PCDHGB4: variants seen among roughly 807,000 people sequenced by gnomAD.
The protein encoded by PCDHGB4 is protocadherin gamma-B4.
A neutral mutation model predicts 60.5 loss-of-function variants in PCDHGB4; 38 were observed. The ratio of observed to expected loss-of-function variants is 0.63; its 90% confidence interval spans 0.48 to 0.82. The LOEUF (loss-of-function observed/expected upper bound fraction) is 0.82. Among genes scored for constraint, PCDHGB4 ranks in the 40% least tolerant of loss-of-function variants. PCDHGB4 has a pLI of 0.00. For missense variants in PCDHGB4, 1,109 were observed against 1,209.6 expected, an observed-to-expected ratio of 0.92 and a Z score of 1.23; for synonymous variants, 456 against 509.7, an observed-to-expected ratio of 0.89 and a Z score of 1.42.
intron 1 of PCDHGB4, among the ~76,000 whole-genome samples, chr5:141,466,863 C>A (rs1409042461): frequency 1.3e-5 from 2 of 152,070 alleles, no homozygotes; most frequent in African/African-American, 4.8e-5. Context: ...ATTTTGAAAT[C>A]CACACATTTT....
In PCDHGB4 at chr5:141,477,176, G is replaced by C. The variant is rs766547728; in HGVS notation, c.2398-17631G>C. On this transcript the variant is annotated intron_variant, in intron 1 of 3. Coordinates refer to ENST00000519479, the MANE Select transcript of PCDHGB4 (RefSeq NM_003736.4). This position sits in a 1 kb window ranked among gnomAD's most constrained non-coding sequence, Gnocchi z 4.9. ...GAATGACAACGCCCCGGAGATCACAGTCACCTCCGTGTACAGCCCAGTACC... is the reference window on the plus strand; with the variant it reads ...GAATGACAACGCCCCGGAGATCACACTCACCTCCGTGTACAGCCCAGTACC... The C allele has an allele frequency of 1.2e-6, 2 of 1,614,206 alleles. No individual in the cohort carries two copies. The highest frequency in any genetic ancestry group is 3.3e-5 in the Admixed American group (2 of 60,024).
chr5:141,450,650 C>G (rs1220350105), intron 1 of PCDHGB4, among the ~76,000 whole-genome samples: 1 of 151,618 alleles, frequency 6.6e-6, no homozygotes, highest in Non-Finnish European at 1.5e-5. Context: ...CCATGCCTGG[C>G]TAATTTTTGT....
In PCDHGB4 at chr5:141,491,723, G is replaced by A. The variant is rs764792125; in HGVS notation, c.2398-3084G>A. The A allele has an allele frequency of 1.7e-5, 27 of 1,606,770 alleles. No individual in the cohort carries two copies. In the African/African-American group the frequency reaches 3.2e-4, roughly 19 times the overall value. On this transcript the variant is annotated intron_variant, in intron 1 of 3. Coordinates refer to ENST00000519479, the MANE Select transcript of PCDHGB4 (RefSeq NM_003736.4). The surrounding 1 kb of genome is among the most constrained non-coding windows in gnomAD (Gnocchi z 6.9). The stretch of plus-strand genomic sequence containing the variant: ...CAGGTGAGGGGCTCGGCGCCGCCCC[G>A]GGCGACCCCTGGGGGCGGCACTGGA...
chr5:141,422,577 T>G, intron 1 of PCDHGB4: 1 of 1,613,848 alleles, frequency 6.2e-7, no homozygotes, highest in Non-Finnish European at 8.5e-7. Context: ...ACGATAACCC[T>G]CCCGTTTTTC....
rs1256615029 is a variant in PCDHGB4 at position 141,512,740 on chromosome 5, C to T, written c.*1567C>T. ...GCGGGTGGGCAGCGGGCGGCGGGCT[C>T]CGCGCAGCCGTCTGTCCTTGATCTG... On this transcript the variant is annotated 3_prime_UTR_variant, in exon 4 of 4. Transcript: ENST00000519479. 1 of 152,788 alleles carries T rather than the reference C, an allele frequency of 6.5e-6. No individual in the cohort carries two copies. The highest frequency in any genetic ancestry group is 1.5e-5 in the Non-Finnish European group (1 of 68,570). The allele number at this position is 152,788 out of a possible 1,614,324, so 9.5% of individuals were successfully genotyped here.
chr5:141,400,229 T>C lies in PCDHGB4; in HGVS notation c.2397+9948T>C, dbSNP rs370433551. ...GCCTTGATCTCAGTGCTCTTCCTCCTGGCCGTGATTCTGGCCGTTGCCTTG... is the reference window on the plus strand; with the variant it reads ...GCCTTGATCTCAGTGCTCTTCCTCCCGGCCGTGATTCTGGCCGTTGCCTTG... On this transcript the variant is annotated intron_variant, in intron 1 of 3. Transcript: ENST00000519479. 3.1e-6 allele frequency: 5 copies of C among 1,613,872 alleles called. No individual in the cohort carries two copies. In the African/African-American group the frequency reaches 4.0e-5, roughly 13 times the overall value.
At position 141,511,211 on chromosome 5, in the gene PCDHGB4, C is replaced by G; in HGVS notation, c.*38C>G. ...GCCAAGAGCCACAGGGCGGCCTCTC[C>G]CCAACCAGCCCAGCTTCTCCTTACC... On this transcript the variant is annotated 3_prime_UTR_variant, in exon 4 of 4. Transcript: ENST00000519479. The G allele has an allele frequency of 6.2e-7, 1 of 1,608,626 alleles. No individual in the cohort carries two copies. The highest frequency in any genetic ancestry group is 8.5e-7 in the Non-Finnish European group (1 of 1,177,476).
Position 141,511,334 on chromosome 5 carries a change from C to A in PCDHGB4, c.*161C>A. 7.0e-7 allele frequency: 1 copy of A among 1,438,700 alleles called. No homozygotes were observed. Among genetic ancestry groups the A allele is most frequent in the Non-Finnish European group, 9.2e-7 (1 of 1,083,314 alleles). 89.1% of individuals were successfully genotyped at this position (1,438,700 alleles called of 1,614,324 possible). On this transcript the variant is annotated 3_prime_UTR_variant, in exon 4 of 4. Coordinates refer to ENST00000519479, the MANE Select transcript of PCDHGB4 (RefSeq NM_003736.4). ...GAAACAGAAACAAGTGCCCAGTCAG[C>A]ACCTACCCCTTCCCCCCCAGGGGGT...
At chr5:141,469,543 C>T (rs1031152008) in intron 1 of PCDHGB4, among the ~76,000 whole-genome samples, 1 of 152,040 alleles carries the variant, frequency 6.6e-6, no homozygotes, top group Non-Finnish European at 1.5e-5. Context: ...CCACTGCACT[C>T]CAGCCTGGCG....
chr5:141,490,042 G>A lies in PCDHGB4; in HGVS notation c.2398-4765G>A. On this transcript the variant is annotated intron_variant, in intron 1 of 3. Transcript: ENST00000519479. This position sits in a 1 kb window ranked among gnomAD's most constrained non-coding sequence, Gnocchi z 5.4. ...TCTGCTGCTCCGCCTCAATGCCACT[G>A]ATCCAGACGAGGGCACCAACGGCCA... The A allele has an allele frequency of 6.2e-7, 1 of 1,614,266 alleles. No homozygotes were observed. Among genetic ancestry groups the A allele is most frequent in the Non-Finnish European group, 8.5e-7 (1 of 1,180,038 alleles).
At chr5:141,444,056 A>G (rs1055292734) in intron 1 of PCDHGB4, among the ~76,000 whole-genome samples, 7 of 151,740 alleles carry the variant, frequency 4.6e-5, no homozygotes, top group Non-Finnish European at 7.4e-5. Context: ...GGCATCTTCA[A>G]TCTAGATTCT....
chr5:141,420,337 A>G, intron 1 of PCDHGB4: 8 of 1,402,708 alleles, frequency 5.7e-6, no homozygotes, highest in Non-Finnish European at 7.6e-6. Flanking sequence ...ATTCCAATAT[A>G]GTGGTATTAT....
chr5:141,495,818 GTTC>G (rs2099764072), intron 2 of PCDHGB4, among the ~76,000 whole-genome samples: 1 of 151,904 alleles, frequency 6.6e-6, no homozygotes, highest in South Asian at 2.1e-4. Context: ...AGCGCCTTGT[GTTC>G]TTCTATCCCC....
At chr5:141,459,375 C>T (rs973503237) in intron 1 of PCDHGB4, among the ~76,000 whole-genome samples, 2 of 152,194 alleles carry the variant, frequency 1.3e-5, no homozygotes, top group African/African-American at 4.8e-5. Flanking sequence ...GTATCAGCAG[C>T]GTGTTCCATT....
At position 141,430,919 on chromosome 5, in the gene PCDHGB4, C is replaced by A. The variant is rs377613499; in HGVS notation, c.2397+40638C>A. The A allele has an allele frequency of 6.2e-7, 1 of 1,607,492 alleles. No homozygotes were observed. Among genetic ancestry groups the A allele is most frequent in the Admixed American group, 1.7e-5 (1 of 58,806 alleles). The stretch of plus-strand genomic sequence containing the variant: ...GGGCGACATCTCCAGGGACCTGGGG[C>A]TGGAGCCCCGGGAGCTCGCGGAGCG... On this transcript the variant is annotated intron_variant, in intron 1 of 3. Transcript: ENST00000519479.
rs1446743849 is a variant in PCDHGB4, at chr5:141,476,288, C to T, written c.2398-18519C>T. The T allele has an allele frequency of 1.3e-5, 21 of 1,613,980 alleles. No individual in the cohort carries two copies. The highest frequency in any genetic ancestry group is 2.2e-5 in the South Asian group (2 of 91,076). On this transcript the variant is annotated intron_variant, in intron 1 of 3. Coordinates refer to ENST00000519479, the MANE Select transcript of PCDHGB4 (RefSeq NM_003736.4). This position sits in a 1 kb window ranked among gnomAD's most constrained non-coding sequence, Gnocchi z 7.6. ...CGTGGTCGCGAACCTTGGTTTGGAT[C>T]TCGGTAGCCTCTCAGCCCGCAGGTT...
At position 141,413,207 on chromosome 5, in the gene PCDHGB4, C is replaced by T. The variant is rs563279284; in HGVS notation, c.2397+22926C>T. The T allele has an allele frequency of 4.7e-5, 76 of 1,612,874 alleles. 2 individuals carry two copies. The South Asian group carries it at 7.6e-4, about 16-fold the overall frequency. ...GCTCAAAGGAATCGCTCAAAGGAAT[C>T]AAAGGATTGCAGCGGGCTGGTCCTG... On this transcript the variant is annotated intron_variant, in intron 1 of 3. Coordinates refer to ENST00000519479, the MANE Select transcript of PCDHGB4 (RefSeq NM_003736.4).
At position 141,393,973 on chromosome 5, in the gene PCDHGB4, G is replaced by A. The variant is rs776954838; in HGVS notation, c.2397+3692G>A. ...AATGGTCAAGTTGTCTGTTACACAC[G>A]TGATAATTTACCTTTTAAATTAGAA... On this transcript the variant is annotated intron_variant, in intron 1 of 3. Transcript: ENST00000519479. 3.1e-6 allele frequency: 5 copies of A among 1,613,784 alleles called. No individual in the cohort carries two copies. The South Asian group carries it at 5.5e-5, about 18-fold the overall frequency.
chr5:141,399,682 G>A (rs778817737), intron 1 of PCDHGB4: 14 of 1,613,512 alleles, frequency 8.7e-6, no homozygotes, highest in Non-Finnish European at 1.2e-5. Flanking sequence ...CTTTGACTAC[G>A]AGCAGCTGCG....
Sources: gnomAD v4.1 joint callset for allele counts (sites outside exome capture counted in the v4.1 genomes callset) on GRCh38, gnomAD v4.1.1 for gene constraint, Gnocchi (gnomAD v3.1) non-coding constraint, MANE v1.5 for transcripts, NCBI Gene and HGNC (gene_info 2026-07-23, HGNC 2026-07-21) for gene names.